KCTD16: variants seen among roughly 807,000 people sequenced by gnomAD.
KCTD16 encodes BTB/POZ domain-containing protein KCTD16.
In KCTD16, 13 loss-of-function variants were observed where a neutral mutation model predicts 33.2. The observed-to-expected ratio is 0.39, with a 90% CI of 0.25 to 0.62. KCTD16 has a LOEUF of 0.62. Ranked by LOEUF, KCTD16 falls within the 20% of genes least tolerant of loss-of-function variation. The pLI, the probability that KCTD16 is intolerant of heterozygous loss-of-function variation, is 0.50. For missense variants in KCTD16, 441 were observed against 525.1 expected, an observed-to-expected ratio of 0.84 and a Z score of 1.57; for synonymous variants, 197 against 195.3, an observed-to-expected ratio of 1.01 and a Z score of -0.07.
intron 3 of KCTD16, among the ~76,000 whole-genome samples, chr5:144,440,727 T>A (rs1753685355): frequency 6.6e-6 from 1 of 152,044 alleles, no homozygotes; most frequent in South Asian, 2.1e-4. Context: ...ATGAATAATG[T>A]TGAGTTTTTT....
At chr5:144,405,600 G>C (rs1433304727) in intron 3 of KCTD16, among the ~76,000 whole-genome samples, 1 of 152,148 alleles carries the variant, frequency 6.6e-6, no homozygotes, top group Non-Finnish European at 1.5e-5. Flanking sequence ...GCCTTATCCT[G>C]CTAAGGTGAG....
chr5:144,192,285 G>A (rs1380822469), intron 2 of KCTD16, among the ~76,000 whole-genome samples: 2 of 152,094 alleles, frequency 1.3e-5, no homozygotes, highest in East Asian at 1.9e-4. Context: ...GTCTCAAGTC[G>A]GCTTTGATGA....
rs768786960 is a variant in KCTD16, at chr5:144,207,242, G to A, written c.528G>A (p.Leu176=). Residue 176 remains leucine, a synonymous_variant, in exon 3 of 4, where the codon TTG becomes TTA. Transcript: ENST00000512467. ...TGGGTTACAGAGGATCCTGCACCTTGGGCAGAGAGGGACAGGCAGATGCCA... is the reference window on the plus strand; with the variant it reads ...TGGGTTACAGAGGATCCTGCACCTTAGGCAGAGAGGGACAGGCAGATGCCA... ...ITVGYRGSCT[L]GREGQADAKF... 6.8e-6 allele frequency: 11 copies of A among 1,614,106 alleles called. No individual in the cohort carries two copies. The South Asian group carries it at 7.7e-5, about 11-fold the overall frequency.
rs568307731 is a variant in KCTD16, at chr5:144,244,964, G to T, written c.832+37418G>T. On this transcript the variant is annotated intron_variant, in intron 3 of 3. Coordinates refer to ENST00000512467, the MANE Select transcript of KCTD16 (RefSeq NM_020768.4). ...GCATTATTTTGGCTTGTCATCAGAT[G>T]TGAACCTTGGAGATTATTATAAGAT... 4.4e-3 allele frequency among the ~76,000 whole-genome samples: 675 copies of T among 152,304 alleles called. 6 individuals are homozygous for T. Among genetic ancestry groups the T allele is most frequent in the African/African-American group, 0.016 (654 of 41,564 alleles).
chr5:144,447,254 G>T (rs1444223897), intron 3 of KCTD16, among the ~76,000 whole-genome samples: 1 of 152,134 alleles, frequency 6.6e-6, no homozygotes, highest in East Asian at 1.9e-4. Context: ...CATGTCCTTA[G>T]CAGGGACGTG....
chr5:144,355,183 A>G (rs1197300319), intron 3 of KCTD16, among the ~76,000 whole-genome samples: 2 of 152,128 alleles, frequency 1.3e-5, no homozygotes, highest in Non-Finnish European at 1.5e-5. Flanking sequence ...CATTATACAG[A>G]TAGGAATTTT....
At chr5:144,444,628 A>G (rs533960480) in intron 3 of KCTD16, among the ~76,000 whole-genome samples, 4 of 151,892 alleles carry the variant, frequency 2.6e-5, no homozygotes, top group Admixed American at 1.3e-4. Flanking sequence ...CTTAGCTTCT[A>G]CTTTCTTTCC....
chr5:144,466,939 T>A (rs966319296), intron 3 of KCTD16, among the ~76,000 whole-genome samples: 17 of 139,434 alleles, frequency 1.2e-4, no homozygotes, highest in Admixed American at 1.2e-3. Context: ...TTTGGAAGAG[T>A]TAACCGTTAC....
intron 2 of KCTD16, among the ~76,000 whole-genome samples, chr5:144,182,907 G>GTT (rs1231663669): frequency 3.9e-5 from 6 of 152,182 alleles, no homozygotes; most frequent in African/African-American, 1.2e-4. Flanking sequence ...ATTATTGTTT[G>GTT]TTGTTACTTA....
chr5:144,248,747 T>C (rs1754617547), intron 3 of KCTD16, among the ~76,000 whole-genome samples: 1 of 152,158 alleles, frequency 6.6e-6, no homozygotes, highest in African/African-American at 2.4e-5. Flanking sequence ...GATGACATTG[T>C]GGTTTTTGTT....
At position 144,233,532 on chromosome 5, in the gene KCTD16, C is replaced by T. The variant is rs370667020; in HGVS notation, c.832+25986C>T. ...CAGCCCTTCTCACAGTTCTTTTATT[C>T]CCCCCACATCCAAACCCTTTTTGCT... is the stretch of plus-strand genomic sequence containing the variant. On this transcript the variant is annotated intron_variant, in intron 3 of 3. Coordinates refer to ENST00000512467, the MANE Select transcript of KCTD16 (RefSeq NM_020768.4). Among the ~76,000 whole-genome samples the T allele has an allele frequency of 2.6e-4, 39 of 152,096 alleles. No homozygotes were observed. The East Asian group carries it at 4.8e-3, about 19-fold the overall frequency.
rs144324292 is a variant in KCTD16 at position 144,316,771 on chromosome 5, C to A, written c.832+109225C>A. ...CAGGTGATCTGTCCATCTAGGCCTC[C>A]CAAAATGCTGGGATTACAGGTGTGA... On this transcript the variant is annotated intron_variant, in intron 3 of 3. Transcript: ENST00000512467. Among the ~76,000 whole-genome samples the A allele has an allele frequency of 1.8e-4, 28 of 151,504 alleles. No homozygotes were observed. The East Asian group carries it at 4.5e-3, about 24-fold the overall frequency.
chr5:144,273,864 C>T (rs1316976925), intron 3 of KCTD16, among the ~76,000 whole-genome samples: 5 of 151,638 alleles, frequency 3.3e-5, no homozygotes, highest in African/African-American at 4.8e-5. Flanking sequence ...ATGGTGGTGA[C>T]GGTTGCACAA....
At chr5:144,204,229 AC>A (rs1366437285) in intron 2 of KCTD16, among the ~76,000 whole-genome samples, 1 of 152,050 alleles carries the variant, frequency 6.6e-6, no homozygotes, top group Non-Finnish European at 1.5e-5. Flanking sequence ...TCCTAAGTTC[AC>A]CTCCATTTTT....
intron 3 of KCTD16, among the ~76,000 whole-genome samples, chr5:144,278,640 G>A (rs951545665): frequency 6.6e-6 from 1 of 151,564 alleles, no homozygotes; most frequent in Non-Finnish European, 1.5e-5. Flanking sequence ...TGGGACTACA[G>A]GCGCCCGCCA....
In KCTD16 at chr5:144,394,639, G is replaced by T. The variant is rs116367198; in HGVS notation, c.833-79021G>T. ...ACCCAGTGAGATGTGAATGGATCAT[G>T]GGGATGGGTACCCTCATGCTGTTCT... On this transcript the variant is annotated intron_variant, in intron 3 of 3. Transcript: ENST00000512467. 5.0e-3 allele frequency among the ~76,000 whole-genome samples: 764 copies of T among 152,310 alleles called. 5 individuals carry two copies. Among genetic ancestry groups the T allele is most frequent in the African/African-American group, 0.018 (735 of 41,572 alleles).
chr5:144,291,953 C>T, intron 3 of KCTD16, among the ~76,000 whole-genome samples: 1 of 152,188 alleles, frequency 6.6e-6, no homozygotes, highest in South Asian at 2.1e-4. Context: ...TTAGGGTAAT[C>T]ATTAGACTGT....
chr5:144,464,720 T>TTC (rs1213309691), intron 3 of KCTD16, among the ~76,000 whole-genome samples: 3 of 151,802 alleles, frequency 2.0e-5, no homozygotes, highest in African/African-American at 7.3e-5. Flanking sequence ...CTTCTTCTTC[T>TTC]TCTTCCTATT....
At chr5:144,203,196 T>A (rs1056348377) in intron 2 of KCTD16, among the ~76,000 whole-genome samples, 4 of 152,074 alleles carry the variant, frequency 2.6e-5, no homozygotes, top group Non-Finnish European at 4.4e-5. Context: ...ATATTCTTCT[T>A]TTATATTATA....
Sources: allele counts gnomAD v4.1 joint callset (sites outside exome capture counted in the v4.1 genomes callset), GRCh38; gene constraint gnomAD v4.1.1; transcripts MANE v1.5; gene names NCBI Gene and HGNC (gene_info 2026-07-23, HGNC 2026-07-21).